The following PRAG1 variants were observed in gnomAD, a reference collection of about 807,000 sequenced individuals.
The protein encoded by PRAG1 is inactive tyrosine-protein kinase PRAG1.
A neutral mutation model predicts 95.6 loss-of-function variants in PRAG1; 110 were observed. The ratio of observed to expected loss-of-function variants is 1.15; its 90% CI spans 0.99 to 1.35. The LOEUF (loss-of-function observed/expected upper bound fraction) is 1.35. PRAG1 is among the 40% of genes most tolerant of loss of function. The probability of loss-of-function intolerance (pLI) is 0.00; values close to 1 mark genes in which losing one functional copy is unlikely to be tolerated. For synonymous variants in PRAG1, 1,052 were observed against 819.4 expected (o/e 1.28, Z -4.85); for missense variants, 2,554 against 1,864.7 (o/e 1.37, Z -6.81).
Position 8,344,788 on chromosome 8 carries a change from A to G in PRAG1, c.2163-5153T>C, listed in dbSNP as rs1799279972. Among the ~76,000 whole-genome samples, 6 of 152,140 alleles carry G rather than the reference A, an allele frequency of 3.9e-5. No homozygotes were observed. The South Asian group carries it at 1.0e-3, about 26-fold the overall frequency. On this transcript the variant is annotated intron_variant, in intron 3 of 5. Coordinates refer to ENST00000615670, the MANE Select transcript of PRAG1 (RefSeq NM_001080826.3). ...TTGTTGCGCCTCTGGAAGGCAAACA[A>G]CACACAAAATAACACAGTGGGATTT...
chr8:8,377,031 C>T lies in PRAG1; in HGVS notation c.1378G>A (p.Gly460Ser). ...GGAGTTGGGTCTGGGCTGTCCCGGCCCCAGCCAGATGCTGCTTTCTGGGCC... is the reference window on the plus strand; with the variant it reads ...GGAGTTGGGTCTGGGCTGTCCCGGCTCCAGCCAGATGCTGCTTTCTGGGCC... ...AWAQKAASGW[G>S]RDSPDPTPQV... The change falls in exon 3 of 6, where the codon GGC becomes AGC. Residue 460 changes from glycine (G) to serine (S), a missense_variant. Gly to Ser is a moderately conservative substitution (Grantham distance 56, BLOSUM62 0). Coordinates refer to ENST00000615670, the MANE Select transcript of PRAG1 (RefSeq NM_001080826.3). 1.2e-6 allele frequency: 2 copies of T among 1,613,994 alleles called. No homozygotes were observed. The highest frequency in any genetic ancestry group is 1.7e-5 in the Admixed American group (1 of 60,022).
rs375569413 is a variant in PRAG1 at position 8,318,296 on chromosome 8, G to T, written c.4079C>A (p.Ala1360Asp). ...TLHNWIDMKRALMMMKFAEKA... is the reference protein window; with the variant it reads ...TLHNWIDMKRDLMMMKFAEKA... ...CTCCGCAAACTTCATCATCATCAGG[G>T]CCCGCTTCATGTCGATCCAGTTGTG... The change falls in exon 6 of 6, where the codon GCC becomes GAC. Residue 1360 changes from alanine to aspartate, a missense_variant. Physicochemically the swap from Ala to Asp is moderately radical, Grantham distance 126. Transcript: ENST00000615670. The surrounding 1 kb of genome is among the most constrained non-coding windows in gnomAD (Gnocchi z 4.2). 1 of 1,614,170 alleles carries T rather than the reference G, an allele frequency of 6.2e-7. No homozygotes were observed. The highest frequency in any genetic ancestry group is 8.5e-7 in the Non-Finnish European group (1 of 1,180,006).
intron 3 of PRAG1, among the ~76,000 whole-genome samples, chr8:8,363,347 T>C (rs918729005): frequency 2.0e-5 from 3 of 152,164 alleles, no homozygotes; most frequent in Admixed American, 6.5e-5. Flanking sequence ...TTCACAATAG[T>C]ACAACGGTAT....
chr8:8,372,216 G>A (rs112027307), intron 3 of PRAG1, among the ~76,000 whole-genome samples: 414 of 152,238 alleles, frequency 2.7e-3, no homozygotes, highest in Middle Eastern at 6.8e-3. Flanking sequence ...TGCTGTTCTC[G>A]TTAATGTTGG....
At chr8:8,342,011 A>G (rs937825520) in intron 3 of PRAG1, among the ~76,000 whole-genome samples, 4 of 151,830 alleles carry the variant, frequency 2.6e-5, no homozygotes, top group African/African-American at 7.3e-5. Context: ...TGCGCCTGTA[A>G]TCCCAGCTAC....
intron 2 of PRAG1, among the ~76,000 whole-genome samples, chr8:8,380,878 A>T (rs1283351438): frequency 6.8e-6 from 1 of 146,264 alleles, no homozygotes; most frequent in African/African-American, 2.5e-5. Flanking sequence ...AAAAAAAAAA[A>T]TTAAGTGTGA....
At chr8:8,342,345 A>G (rs979478941) in intron 3 of PRAG1, among the ~76,000 whole-genome samples, 40 of 151,392 alleles carry the variant, frequency 2.6e-4, no homozygotes, top group Non-Finnish European at 5.2e-4. Context: ...GGAGGCGCCC[A>G]CCACCACGCC....
In PRAG1 at chr8:8,318,943, C is replaced by T. The variant is rs1435510926; in HGVS notation, c.3432G>A (p.Arg1144=). 2 of 1,612,504 alleles carry T rather than the reference C, an allele frequency of 1.2e-6. No individual in the cohort carries two copies. Among genetic ancestry groups the T allele is most frequent in the Non-Finnish European group, 1.7e-6 (2 of 1,179,550 alleles). Residue 1144 remains arginine (R), a synonymous_variant, in exon 6 of 6, where the codon CGG becomes CGA. Transcript: ENST00000615670. The surrounding 1 kb of genome is among the most constrained non-coding windows in gnomAD (Gnocchi z 4.2). The part of the protein sequence containing the change: ...EHLKEHGIIH[R]DLCLENLLLV... ...GCAGCAGGTTCTCCAGGCACAGGTC[C>T]CGGTGGATGATCCCGTGCTCCTTCA...
chr8:8,370,842 G>C (rs1210185637), intron 3 of PRAG1, among the ~76,000 whole-genome samples: 1 of 152,308 alleles, frequency 6.6e-6, no homozygotes, highest in East Asian at 1.9e-4. Flanking sequence ...AAGCAGCTCA[G>C]GAGGAGAATT....
At position 8,376,756 on chromosome 8, in the gene PRAG1, A is replaced by T; in HGVS notation, c.1653T>A (p.Ser551Arg). ...RPAIPPKLSK[S>R]SPVGSPVSPS... ...GTGACACCGGGGACCCTACAGGGCT[A>T]CTCTTGGACAACTTGGGGGGAATGG... The change falls in exon 3 of 6, where the codon AGT becomes AGA. Residue 551 changes from serine to arginine, a missense_variant. Ser to Arg is a moderately radical substitution (Grantham distance 110). Transcript: ENST00000615670. 1.1e-5 allele frequency: 17 copies of T among 1,610,118 alleles called. No individual in the cohort carries two copies. The highest frequency in any genetic ancestry group is 1.4e-5 in the Non-Finnish European group (17 of 1,179,924).
At chr8:8,325,258 A>C (rs1798598040) in intron 5 of PRAG1, among the ~76,000 whole-genome samples, 3 of 151,782 alleles carry the variant, frequency 2.0e-5, no homozygotes. Flanking sequence ...GGCCAGGCAC[A>C]TTTGCAAATT....
intron 3 of PRAG1, among the ~76,000 whole-genome samples, chr8:8,361,505 G>T (rs1014029275): frequency 6.6e-6 from 1 of 152,176 alleles, no homozygotes; most frequent in Non-Finnish European, 1.5e-5. Flanking sequence ...TTTCTTATCA[G>T]ATGAGGCAAT....
chr8:8,368,146 T>C (rs1800073440), intron 3 of PRAG1, among the ~76,000 whole-genome samples: 1 of 152,040 alleles, frequency 6.6e-6, no homozygotes, highest in Non-Finnish European at 1.5e-5. Flanking sequence ...TACTGGGAAG[T>C]TGGGGGGAAC....
chr8:8,338,862 G>C (rs1799075297), intron 4 of PRAG1, among the ~76,000 whole-genome samples: 1 of 152,222 alleles, frequency 6.6e-6, no homozygotes. Context: ...AATGCTGAAA[G>C]GGTGAGAGGT....
At chr8:8,358,167 G>A (rs965109574) in intron 3 of PRAG1, among the ~76,000 whole-genome samples, 26 of 152,204 alleles carry the variant, frequency 1.7e-4, no homozygotes, top group African/African-American at 6.3e-4. Context: ...TAATTTGTTA[G>A]AGCTGCACAT....
At chr8:8,342,917 T>A (rs575891447) in intron 3 of PRAG1, among the ~76,000 whole-genome samples, 1 of 152,124 alleles carries the variant, frequency 6.6e-6, no homozygotes, top group South Asian at 2.1e-4. Context: ...ACTTTAAAAT[T>A]TAAAACTTCT....
intron 3 of PRAG1, among the ~76,000 whole-genome samples, chr8:8,340,380 A>G (rs1799124205): frequency 6.6e-6 from 1 of 152,192 alleles, no homozygotes; most frequent in Non-Finnish European, 1.5e-5. Flanking sequence ...TGTTTAGCTT[A>G]TTGATTTCTC....
rs199973377 is a variant in PRAG1, at chr8:8,328,210, C to G, written c.2572G>C (p.Asp858His). The change falls in exon 5 of 6, where the codon GAC (aspartate) becomes CAC (histidine). Residue 858 changes from aspartate (D) to histidine (H), a missense_variant. Coordinates refer to ENST00000615670, the MANE Select transcript of PRAG1 (RefSeq NM_001080826.3). ...NLSHSETNVH[D>H]ESHFSYSLSP... ...AACGAATAGCTAAAGTGAGATTCGT[C>G]GTGGACGTTGGTTTCCGAGTGGCTT... The G allele has an allele frequency of 6.2e-7, 1 of 1,614,172 alleles. No individual in the cohort carries two copies. Among genetic ancestry groups the G allele is most frequent in the East Asian group, 2.2e-5 (1 of 44,876 alleles).
rs545207501 is a variant in PRAG1, at chr8:8,362,481, T to C, written c.2162+13766A>G. Reference sequence around the variant, plus strand: ...CCGTGTTGCTGAGAGTCTGGGTTTATTCATTACAACAGGTGAGTTCTGATT... The same window carrying C: ...CCGTGTTGCTGAGAGTCTGGGTTTACTCATTACAACAGGTGAGTTCTGATT... On this transcript the variant is annotated intron_variant, in intron 3 of 5. Coordinates refer to ENST00000615670, the MANE Select transcript of PRAG1 (RefSeq NM_001080826.3). Among the ~76,000 whole-genome samples, 3 of 152,272 alleles carry C rather than the reference T, an allele frequency of 2.0e-5. No homozygotes were observed. The East Asian group carries it at 5.8e-4, about 29-fold the overall frequency.
Sources: gnomAD v4.1 joint callset for allele counts (sites outside exome capture counted in the v4.1 genomes callset) on GRCh38, gnomAD v4.1.1 for gene constraint, Gnocchi (gnomAD v3.1) non-coding constraint, MANE v1.5 for transcripts, NCBI Gene and HGNC (gene_info 2026-07-23, HGNC 2026-07-21) for gene names.